RNF157: variants seen among roughly 807,000 people sequenced by gnomAD.
RNF157 encodes ring finger protein 157.
In RNF157, 55 loss-of-function variants were observed where a neutral mutation model predicts 88.3. That is an observed-to-expected ratio of 0.62 (90% CI 0.50 to 0.78). The LOEUF is 0.78. RNF157 is among the 30% of genes least tolerant of loss of function. The probability of loss-of-function intolerance (pLI) is 0.00; values close to 1 mark genes in which losing one functional copy is unlikely to be tolerated. For synonymous variants in RNF157, 334 were observed against 341.2 expected (o/e 0.98, Z 0.23); for missense variants, 788 against 860.8 (o/e 0.92, Z 1.06).
At position 76,186,940 on chromosome 17, in the gene RNF157, AAAATAAATAAAT is replaced by A. The variant is rs201615839; in HGVS notation, c.208-13162_208-13151del. 2.1e-3 allele frequency among the ~76,000 whole-genome samples: 302 copies of A among 140,898 alleles called. 1 individual carries two copies. Among genetic ancestry groups the A allele is most frequent in the African/African-American group, 6.9e-3 (252 of 36,464 alleles). 92.4% of individuals were successfully genotyped at this position (140,898 alleles called of 152,430 possible). ...GGGTGACAGAATGAGACTCCGACTCAAAATAAATAAATAAATAAATAAATAAATAAATAAATA... is the reference window on the plus strand; with the variant it reads ...GGGTGACAGAATGAGACTCCGACTCAAAATAAATAAATAAATAAATAAATA... On this transcript the variant is annotated intron_variant, in intron 2 of 18. Coordinates refer to ENST00000269391, the MANE Select transcript of RNF157 (RefSeq NM_052916.3).
At chr17:76,220,239 G>C (rs180837885) in intron 1 of RNF157, among the ~76,000 whole-genome samples, 2 of 152,056 alleles carry the variant, frequency 1.3e-5, no homozygotes, top group African/African-American at 4.8e-5. Context: ...TAACAAGGAC[G>C]CTCTCTAAAC....
At chr17:76,209,996 G>A (rs1331402012) in intron 2 of RNF157, among the ~76,000 whole-genome samples, 1 of 152,056 alleles carries the variant, frequency 6.6e-6, no homozygotes, top group Non-Finnish European at 1.5e-5. Flanking sequence ...TTGACCTTGT[G>A]ATCCGCCCGC....
At chr17:76,173,887 G>A in intron 2 of RNF157, 97 bp from the exon 3 acceptor site, 1 of 952,004 alleles carries the variant, frequency 1.1e-6, no homozygotes, top group African/African-American at 1.7e-5. Flanking sequence ...TAAGAGGTGA[G>A]GCAGGAAGGC....
At chr17:76,223,508 A>G (rs1411214658) in intron 1 of RNF157, among the ~76,000 whole-genome samples, 1 of 152,186 alleles carries the variant, frequency 6.6e-6, no homozygotes, top group African/African-American at 2.4e-5. Flanking sequence ...ACACATAAAC[A>G]ATACCTGACT....
intron 2 of RNF157, among the ~76,000 whole-genome samples, chr17:76,207,919 G>A (rs1030628922): frequency 2.0e-5 from 3 of 151,998 alleles, no homozygotes; most frequent in Admixed American, 6.6e-5. Flanking sequence ...ACTGCCACTC[G>A]TCTACTTTTA....
intron 2 of RNF157, among the ~76,000 whole-genome samples, chr17:76,190,894 C>A (rs1004587337): frequency 1.3e-5 from 2 of 148,162 alleles, no homozygotes; most frequent in Non-Finnish European, 3.0e-5. Context: ...GGCGACAGGG[C>A]GAGACTCTGT....
intron 2 of RNF157, among the ~76,000 whole-genome samples, chr17:76,210,170 TAAC>T (rs2069757997): frequency 1.3e-5 from 2 of 152,162 alleles, no homozygotes; most frequent in African/African-American, 2.4e-5. Context: ...AAGGCAGTAG[TAAC>T]AAAATCAAAG....
At chr17:76,197,317 T>C (rs1237366328) in intron 2 of RNF157, among the ~76,000 whole-genome samples, 1 of 152,178 alleles carries the variant, frequency 6.6e-6, no homozygotes. Flanking sequence ...TTAAGAGGAC[T>C]GTTTCATTGA....
intron 2 of RNF157, among the ~76,000 whole-genome samples, chr17:76,207,753 G>A (rs2069707175): frequency 6.6e-6 from 1 of 152,164 alleles, no homozygotes; most frequent in African/African-American, 2.4e-5. Context: ...GTGGAAGTCA[G>A]CTGTTTAGAA....
chr17:76,196,359 G>T (rs1324321836), intron 2 of RNF157, among the ~76,000 whole-genome samples: 1 of 152,216 alleles, frequency 6.6e-6, no homozygotes, highest in Admixed American at 6.5e-5. Context: ...TAGGCTAGAG[G>T]TAACAACAGG....
At chr17:76,230,471 T>G (rs1326984857) in intron 1 of RNF157, among the ~76,000 whole-genome samples, 1 of 152,158 alleles carries the variant, frequency 6.6e-6, no homozygotes, top group Non-Finnish European at 1.5e-5. Flanking sequence ...TCAATTACAA[T>G]GGGTTATCTT....
rs2068772022 is a variant in RNF157, at chr17:76,156,809, C to T, written c.1414-488G>A. 2.6e-5 allele frequency among the ~76,000 whole-genome samples: 4 copies of T among 152,356 alleles called. No homozygotes were observed. In the South Asian group the frequency reaches 6.2e-4, roughly 24 times the overall value. On this transcript the variant is annotated intron_variant, in intron 13 of 18. Transcript: ENST00000269391. ...GCCTGCTGCTCCTCCCACACCCCCACCTCCGATCCCAGCCCCGACCTGTCA... is the reference window on the plus strand; with the variant it reads ...GCCTGCTGCTCCTCCCACACCCCCATCTCCGATCCCAGCCCCGACCTGTCA...
rs766626265 is a variant in RNF157, at chr17:76,159,397, C to A, written c.1242G>T (p.Ser414=). Residue 414 remains serine, a synonymous_variant, in exon 12 of 19, where the codon TCG becomes TCT. Coordinates refer to ENST00000269391, the MANE Select transcript of RNF157 (RefSeq NM_052916.3). ...DGHLPPVRTI[S]PLDRLSDSSS... Reference sequence around the variant, plus strand: ...TGCTGTCAGACAGGCGGTCAAGAGGCGAGATCGTCCTGACGGGGGGCAGGT... The same window carrying A: ...TGCTGTCAGACAGGCGGTCAAGAGGAGAGATCGTCCTGACGGGGGGCAGGT... 5 of 1,613,136 alleles carry A rather than the reference C, an allele frequency of 3.1e-6. No homozygotes were observed. The East Asian group carries it at 6.7e-5, about 22-fold the overall frequency.
At chr17:76,175,876 A>G (rs2069095102) in intron 2 of RNF157, 2 of 697,034 alleles carry the variant, frequency 2.9e-6, no homozygotes, top group Non-Finnish European at 1.8e-6. Context: ...TTTATCCTCC[A>G]TTTTGAATAT....
intron 18 of RNF157, among the ~76,000 whole-genome samples, chr17:76,145,816 G>A (rs1457293047): frequency 3.3e-5 from 5 of 152,116 alleles, no homozygotes; most frequent in Non-Finnish European, 5.9e-5. Context: ...GGGCCCAGGC[G>A]GGGCAGGAAA....
chr17:76,159,613 C>T, intron 11 of RNF157, 40 bp from the exon 12 acceptor site: 1 of 1,432,326 alleles, frequency 7.0e-7, no homozygotes. Flanking sequence ...TAATTAGGTC[C>T]TTTTTGTTTT....
rs1233703464 is a variant in RNF157 at position 76,176,525 on chromosome 17, A to C, written c.208-2735T>G. On this transcript the variant is annotated intron_variant, in intron 2 of 18. Coordinates refer to ENST00000269391, the MANE Select transcript of RNF157 (RefSeq NM_052916.3). The surrounding 1 kb of genome is among the most constrained non-coding windows in gnomAD (Gnocchi z 4.2). ...TTAGTGAGTTATCTTCCTTTCAAAA[A>C]TTACCATTTATTGAGTGCTTACTAT... Among the ~76,000 whole-genome samples the C allele has an allele frequency of 2.0e-5, 3 of 152,170 alleles. No individual in the cohort carries two copies.
intron 11 of RNF157, 44 bp from the exon 12 acceptor site, chr17:76,159,617 T>G (rs761375827): frequency 2.9e-5 from 40 of 1,379,694 alleles, no homozygotes; most frequent in Non-Finnish European, 3.9e-5. Flanking sequence ...TAGGTCCTTT[T>G]TGTTTTATGA....
In RNF157 at chr17:76,176,425, A is replaced by C. The variant is rs1028912228; in HGVS notation, c.208-2635T>G. Among the ~76,000 whole-genome samples the C allele has an allele frequency of 6.6e-6, 1 of 151,932 alleles. No homozygotes were observed. The highest frequency in any genetic ancestry group is 1.5e-5 in the Non-Finnish European group (1 of 67,962). On this transcript the variant is annotated intron_variant, in intron 2 of 18. Transcript: ENST00000269391. This position sits in a 1 kb window ranked among gnomAD's most constrained non-coding sequence, Gnocchi z 4.2. ...TAGGATCAGAGGCAAATTAAAAAAA[A>C]TTTTTTTTCTGCTCTTAGAGTTGTC...
Sources: allele counts gnomAD v4.1 joint callset (sites outside exome capture counted in the v4.1 genomes callset), GRCh38; gene constraint gnomAD v4.1.1; non-coding constraint Gnocchi (gnomAD v3.1); transcripts MANE v1.5; gene names NCBI Gene and HGNC (gene_info 2026-07-23, HGNC 2026-07-21).